Variants in UBE3A observed in about 807,000 individuals in gnomAD.
The protein encoded by UBE3A is ubiquitin protein ligase E3A.
In UBE3A, 6 loss-of-function variants were observed where a neutral mutation model predicts 83.4. That is an observed-to-expected ratio of 0.07 (90% CI 0.04 to 0.14). UBE3A has a LOEUF of 0.14. UBE3A is among the 10% of genes least tolerant of loss of function. The pLI, the probability that UBE3A is intolerant of heterozygous loss-of-function variation, is 1.00. For synonymous variants in UBE3A, 337 were observed against 355.4 expected, an observed-to-expected ratio of 0.95 and a Z score of 0.58; for missense variants, 456 against 1,036.1, an observed-to-expected ratio of 0.44 and a Z score of 7.69.
rs1468260442 is a variant in UBE3A, at chr15:25,337,946, ATTAAAT to A, written c.*1185_*1190del. ...CGTTTAACATGTTTTGAATTAATTA[ATTAAAT>A]TTAATCTGTGGGGCTATACAATGTA... On this transcript the variant is annotated 3_prime_UTR_variant, in exon 13 of 13. Coordinates refer to ENST00000648336, the MANE Select transcript of UBE3A (RefSeq NM_130839.5). 2.6e-5 allele frequency: 4 copies of A among 152,172 alleles called. No individual in the cohort carries two copies. Among genetic ancestry groups the A allele is most frequent in the Non-Finnish European group, 4.4e-5 (3 of 68,016 alleles). The allele number at this position is 152,172 out of a possible 1,614,324, so 9.4% of individuals were successfully genotyped here. A position where few individuals can be genotyped will look rare whatever the true frequency, so the allele number is the denominator to read the frequency against.
chr15:25,406,041 A>G (rs1449587231), intron 3 of UBE3A, among the ~76,000 whole-genome samples: 1 of 152,212 alleles, frequency 6.6e-6, no homozygotes. Context: ...CTTTCACACT[A>G]AAAGAACAGA....
rs1331726595 is a variant in UBE3A, at chr15:25,370,483, T to C, written c.1608+83A>G. The C allele has an allele frequency of 6.6e-7, 1 of 1,513,532 alleles. No homozygotes were observed. The highest frequency in any genetic ancestry group is 9.2e-7 in the Non-Finnish European group (1 of 1,088,760). The allele number at this position is 1,513,532 out of a possible 1,614,324, so 93.8% of individuals were successfully genotyped here. ...TTCCTATGCTATATGGTATCATTTT[T>C]TTCAGTCACTTTTAAAATGAATTCA... On this transcript the variant is annotated intron_variant, in intron 6 of 12. Coordinates refer to ENST00000648336, the MANE Select transcript of UBE3A (RefSeq NM_130839.5). This position sits in a 1 kb window ranked among gnomAD's most constrained non-coding sequence, Gnocchi z 4.2.
chr15:25,432,190 G>A (rs188643082), intron 1 of UBE3A, among the ~76,000 whole-genome samples: 1 of 152,308 alleles, frequency 6.6e-6, no homozygotes, highest in Admixed American at 6.5e-5. Context: ...TTACAAGAGT[G>A]CAAGAAAGTG....
intron 11 of UBE3A, among the ~76,000 whole-genome samples, chr15:25,349,884 G>A (rs1220578280): frequency 6.6e-6 from 1 of 152,112 alleles, no homozygotes; most frequent in Admixed American, 6.5e-5. Flanking sequence ...AGACAACAAC[G>A]ATATACTGGA....
intron 6 of UBE3A, among the ~76,000 whole-genome samples, chr15:25,367,295 T>G (rs900817417): frequency 7.2e-5 from 10 of 139,572 alleles, no homozygotes; most frequent in Non-Finnish European, 1.3e-4. Flanking sequence ...ATTAAATTAA[T>G]TTACATATTA....
intron 7 of UBE3A, 100 bp downstream of exon 7, chr15:25,360,283 T>TTGCTGC: frequency 6.6e-7 from 1 of 1,526,084 alleles, no homozygotes; most frequent in South Asian, 1.2e-5. Context: ...AATCCTTCTT[T>TTGCTGC]TGCTGCTCTT....
chr15:25,393,511 T>C (rs1394405761), intron 4 of UBE3A, among the ~76,000 whole-genome samples: 1 of 152,172 alleles, frequency 6.6e-6, no homozygotes, highest in Non-Finnish European at 1.5e-5. Flanking sequence ...TCCTCATTTA[T>C]AGCTGACAAG....
intron 1 of UBE3A, among the ~76,000 whole-genome samples, chr15:25,420,451 G>C (rs914047328): frequency 3.3e-5 from 5 of 151,984 alleles, no homozygotes; most frequent in African/African-American, 1.2e-4. Context: ...TTAGTAAGTG[G>C]ACAGAAAATC....
rs376815580 is a variant in UBE3A at position 25,375,483 on chromosome 15, C to A, written c.343G>T (p.Ala115Ser). Reference protein sequence around the residue: ...CSEIKMNKKGARIDFKDVTYL... With the variant: ...CSEIKMNKKGSRIDFKDVTYL... ...ATCTTACCTTTAAAATCAATTCTAG[C>A]GCCTTTCTTGTTCATTTTTATCTCA... The change falls in exon 5 of 13, where the codon GCT becomes TCT. Residue 115 changes from alanine to serine, a missense_variant. Ala to Ser is a moderately conservative substitution (Grantham distance 99, BLOSUM62 1). Transcript: ENST00000648336. The A allele has an allele frequency of 1.9e-6, 3 of 1,613,978 alleles. No individual in the cohort carries two copies. The highest frequency in any genetic ancestry group is 2.5e-6 in the Non-Finnish European group (3 of 1,180,026).
In UBE3A at chr15:25,425,380, G is replaced by A. The variant is rs78080621; in HGVS notation, c.-165+13109C>T. On this transcript the variant is annotated intron_variant, in intron 1 of 12. Transcript: ENST00000648336. ...GAAAATGTTCTAAAATTCAATAGTG[G>A]TGATGGCTGCAGAACTGTGAATATA... Among the ~76,000 whole-genome samples, 16 of 152,266 alleles carry A rather than the reference G, an allele frequency of 1.1e-4. No individual in the cohort carries two copies. The East Asian group carries it at 2.5e-3, about 24-fold the overall frequency.
intron 1 of UBE3A, chr15:25,418,086 CTGAA>C (rs1887840768): frequency 6.6e-6 from 1 of 152,040 alleles, no homozygotes; most frequent in Non-Finnish European, 1.5e-5. Flanking sequence ...TGTTACTATA[CTGAA>C]TGAATACTGT....
At position 25,371,032 on chromosome 15, in the gene UBE3A, A is replaced by C. The variant is rs1426429598; in HGVS notation, c.1142T>G (p.Val381Gly). The change falls in exon 6 of 13, where the codon GTG becomes GGG. Residue 381 changes from valine (V) to glycine (G), a missense_variant. Transcript: ENST00000648336. This position sits in a 1 kb window ranked among gnomAD's most constrained non-coding sequence, Gnocchi z 5.3. ...GTGATTTGTGTCCACTTCCCCTCCC[A>C]CTACATTTGCATAGTAAACCATTTT... Reference protein sequence around the residue: ...CLKMVYYANVVGGEVDTNHNE... With the variant: ...CLKMVYYANVGGGEVDTNHNE... 3.1e-6 allele frequency: 5 copies of C among 1,614,000 alleles called. No individual in the cohort carries two copies. The highest frequency in any genetic ancestry group is 4.2e-6 in the Non-Finnish European group (5 of 1,179,964).
chr15:25,359,155 G>C (rs372024182), intron 7 of UBE3A, among the ~76,000 whole-genome samples: 161 of 152,130 alleles, frequency 1.1e-3, no homozygotes, highest in African/African-American at 3.9e-3. Context: ...TATCTTACTG[G>C]AACTGCTTAA....
At chr15:25,389,243 T>C (rs1399952872) in intron 4 of UBE3A, among the ~76,000 whole-genome samples, 1 of 112,262 alleles carries the variant, frequency 8.9e-6, no homozygotes, top group Admixed American at 1.1e-4. Context: ...ACAGTGGTAA[T>C]AACTGAACAT....
chr15:25,426,004 C>A (rs1891208506), intron 1 of UBE3A, among the ~76,000 whole-genome samples: 1 of 147,156 alleles, frequency 6.8e-6, no homozygotes, highest in South Asian at 2.3e-4. Context: ...TGCACCTTGG[C>A]TCTCCCCTCC....
intron 1 of UBE3A, among the ~76,000 whole-genome samples, chr15:25,427,568 C>A (rs1167378642): frequency 2.0e-5 from 2 of 101,354 alleles, no homozygotes; most frequent in Admixed American, 3.0e-4. Flanking sequence ...AACTAACAAA[C>A]CAAAGTGGGC....
chr15:25,383,800 T>C (rs1217032965), intron 4 of UBE3A, among the ~76,000 whole-genome samples: 1 of 152,114 alleles, frequency 6.6e-6, no homozygotes, highest in Non-Finnish European at 1.5e-5. Context: ...ATGCACACAT[T>C]CACCACTTCT....
At chr15:25,364,858 G>A (rs2078816346) in intron 6 of UBE3A, among the ~76,000 whole-genome samples, 2 of 151,910 alleles carry the variant, frequency 1.3e-5, no homozygotes, top group Admixed American at 6.6e-5. Flanking sequence ...GTGTTAGCCA[G>A]GATGGTTTCG....
chr15:25,344,536 C>T (rs576240347), intron 11 of UBE3A, among the ~76,000 whole-genome samples: 15 of 152,120 alleles, frequency 9.9e-5, no homozygotes, highest in Admixed American at 6.5e-4. Context: ...TAAAAGCACA[C>T]GATAGCTAAG....
Sources: gnomAD v4.1 joint callset for allele counts (sites outside exome capture counted in the v4.1 genomes callset) on GRCh38, gnomAD v4.1.1 for gene constraint, Gnocchi (gnomAD v3.1) non-coding constraint, MANE v1.5 for transcripts, NCBI Gene and HGNC (gene_info 2026-07-23, HGNC 2026-07-21) for gene names.